The following RBM6 variants were observed in gnomAD, a reference collection of about 807,000 sequenced individuals.
RBM6 encodes the protein RNA binding motif protein 6.
A neutral mutation model predicts 140.4 loss-of-function variants in RBM6; 23 were observed. That is an observed-to-expected ratio of 0.16 (90% confidence interval 0.12 to 0.23). The LOEUF is 0.23. Among genes scored for constraint, RBM6 ranks in the 10% least tolerant of loss-of-function variants. The pLI is 1.00. For synonymous variants in RBM6, 439 were observed against 475.6 expected, an observed-to-expected ratio of 0.92 and a Z score of 1.00; for missense variants, 1,139 against 1,386.7, an observed-to-expected ratio of 0.82 and a Z score of 2.84.
At chr3:50,008,409 T>C (rs1327488288) in intron 6 of RBM6, among the ~76,000 whole-genome samples, 1 of 152,112 alleles carries the variant, frequency 6.6e-6, no homozygotes, top group Non-Finnish European at 1.5e-5. Context: ...AGTTCAGGGG[T>C]CGTACAAAGG....
At chr3:49,946,133 C>A (rs2083475197) in intron 1 of RBM6, among the ~76,000 whole-genome samples, 1 of 152,108 alleles carries the variant, frequency 6.6e-6, no homozygotes, top group African/African-American at 2.4e-5. Flanking sequence ...GTGGCTTAAG[C>A]CTTCCACTCC....
intron 16 of RBM6, among the ~76,000 whole-genome samples, chr3:50,065,968 C>T (rs545871871): frequency 6.6e-6 from 1 of 152,274 alleles, no homozygotes; most frequent in East Asian, 1.9e-4. Context: ...TAACCTTTTA[C>T]TATTTTCTAT....
At chr3:50,059,857 C>A in intron 11 of RBM6, 111 bp downstream of exon 11, 1 of 782,140 alleles carries the variant, frequency 1.3e-6, no homozygotes, top group Non-Finnish European at 2.1e-6. Context: ...CTAACATGGA[C>A]TGCTTCAGAT....
intron 4 of RBM6, among the ~76,000 whole-genome samples, chr3:49,972,507 T>C (rs779830197): frequency 6.6e-6 from 1 of 152,180 alleles, no homozygotes; most frequent in African/African-American, 2.4e-5. Context: ...TTATTTACAA[T>C]AGTAAAAACT....
At chr3:49,945,710 G>A (rs1004202919) in intron 1 of RBM6, among the ~76,000 whole-genome samples, 3 of 151,444 alleles carry the variant, frequency 2.0e-5, no homozygotes, top group Admixed American at 6.6e-5. Flanking sequence ...GTGAAACCCC[G>A]TCTCTACTAA....
intron 4 of RBM6, 24 bp from the exon 5 acceptor site, chr3:49,975,299 T>G (rs1164266554): frequency 6.4e-7 from 1 of 1,564,918 alleles, no homozygotes; most frequent in East Asian, 2.2e-5. Context: ...TTGTATCATT[T>G]GTATAAATGC....
intron 6 of RBM6, 104 bp downstream of exon 6, chr3:49,999,617 A>C: frequency 2.0e-6 from 2 of 979,020 alleles, no homozygotes; most frequent in Admixed American, 3.5e-5. Context: ...CAAGAAGTCT[A>C]TCTGTGGAGC....
In RBM6 at chr3:49,967,606, T is replaced by G; in HGVS notation, c.181T>G (p.Ser61Ala). 6.2e-7 allele frequency: 1 copy of G among 1,614,130 alleles called. No individual in the cohort carries two copies. The highest frequency in any genetic ancestry group is 8.5e-7 in the Non-Finnish European group (1 of 1,180,028). ...DSLPFDFQGH[S>A]GPPFANVEEH... Reference sequence around the variant, plus strand: ...ACTTCCCTTTGATTTCCAGGGGCATTCGGGGCCTCCTTTTGCAAATGTAGA... The same window carrying G: ...ACTTCCCTTTGATTTCCAGGGGCATGCGGGGCCTCCTTTTGCAAATGTAGA... Residue 61 changes from serine (S) to alanine (A), a missense_variant, in exon 3 of 21, where the codon TCG becomes GCG. Transcript: ENST00000266022. The surrounding 1 kb of genome is among the most constrained non-coding windows in gnomAD (Gnocchi z 4.0).
At chr3:50,018,247 A>C (rs1218039140) in intron 6 of RBM6, among the ~76,000 whole-genome samples, 1 of 152,178 alleles carries the variant, frequency 6.6e-6, no homozygotes, top group Non-Finnish European at 1.5e-5. Flanking sequence ...TGCCTTTTGC[A>C]GAATTTTATA....
intron 6 of RBM6, among the ~76,000 whole-genome samples, chr3:50,000,540 C>G (rs1047323068): frequency 1.3e-5 from 2 of 151,712 alleles, no homozygotes; most frequent in Admixed American, 1.3e-4. Context: ...CCTGTCTCAG[C>G]CCCCTGAGTA....
chr3:50,059,646 T>C lies in RBM6; in HGVS notation c.2131-3T>C. The C allele has an allele frequency of 6.2e-7, 1 of 1,612,860 alleles. No individual in the cohort carries two copies. Among genetic ancestry groups the C allele is most frequent in the Non-Finnish European group, 8.5e-7 (1 of 1,179,144 alleles). ...CTGGGTTCAAGTGTGTCTGGTTCTATAGGAAGCTCTTCGTGTGGTGAAGAT... is the reference window on the plus strand; with the variant it reads ...CTGGGTTCAAGTGTGTCTGGTTCTACAGGAAGCTCTTCGTGTGGTGAAGAT... On this transcript the variant is annotated splice_polypyrimidine_tract_variant and splice_region_variant and intron_variant, in intron 10 of 20. Coordinates refer to ENST00000266022, the MANE Select transcript of RBM6 (RefSeq NM_005777.3).
intron 6 of RBM6, among the ~76,000 whole-genome samples, chr3:50,035,457 C>T (rs565990419): frequency 1.8e-4 from 28 of 152,016 alleles, no homozygotes; most frequent in Middle Eastern, 3.4e-3. Context: ...CCGAGGTGGG[C>T]GGATCACGAG....
Position 49,947,262 on chromosome 3 carries a change from A to AGGG in RBM6, c.-67+7050_-67+7052dup, listed in dbSNP as rs71080561. Among the ~76,000 whole-genome samples, 20 of 60,014 alleles carry AGGG rather than the reference A, an allele frequency of 3.3e-4. 1 individual carries two copies. The East Asian group carries it at 3.7e-3, about 11-fold the overall frequency. 39.4% of individuals were successfully genotyped at this position (60,014 alleles called of 152,430 possible). On this transcript the variant is annotated intron_variant, in intron 1 of 20. Transcript: ENST00000266022. ...GCGAGACTCCGTCTCAAAAAAAAAA[A>AGGG]GGGGGGGGGGGGGGGTTTTGAGCTG...
chr3:50,052,067 G>T (rs1056354916), intron 7 of RBM6, among the ~76,000 whole-genome samples: 2 of 152,024 alleles, frequency 1.3e-5, no homozygotes, highest in Admixed American at 6.6e-5. Context: ...ACTTTATGGG[G>T]TTTGTTTTTG....
intron 2 of RBM6, among the ~76,000 whole-genome samples, chr3:49,964,221 C>T (rs1414405396): frequency 6.6e-6 from 1 of 152,130 alleles, no homozygotes; most frequent in African/African-American, 2.4e-5. Flanking sequence ...GATTGGCAAT[C>T]TGCAAGATTT....
rs2108934956 is a variant in RBM6, at chr3:50,065,808, TG to T, written c.2683-432del. 1.3e-5 allele frequency among the ~76,000 whole-genome samples: 2 copies of T among 152,370 alleles called. 1 individual carries two copies. The highest frequency in any genetic ancestry group is 4.1e-4 in the South Asian group (2 of 4,828). ...CTTTGCCTTTACCTTACATGTGAGC[TG>T]GATCTGTCTACCCAAGTGCCTATTA... is the stretch of plus-strand genomic sequence containing the variant. On this transcript the variant is annotated intron_variant, in intron 16 of 20. Coordinates refer to ENST00000266022, the MANE Select transcript of RBM6 (RefSeq NM_005777.3).
Position 50,058,418 on chromosome 3 carries a change from T to C in RBM6, c.1986T>C (p.Arg662=). Reference sequence around the variant, plus strand: ...TTGATTCAGCTATCATGCTAAAGCGTATCTATCGTTCCACACCACCTGAGG... The same window carrying C: ...TTGATTCAGCTATCATGCTAAAGCGCATCTATCGTTCCACACCACCTGAGG... ...DGESKTIMLK[R]IYRSTPPEVI... is the part of the protein sequence containing the mutation. Residue 662 remains arginine (R), a synonymous_variant, in exon 10 of 21, where the codon CGT becomes CGC. Coordinates refer to ENST00000266022, the MANE Select transcript of RBM6 (RefSeq NM_005777.3). 6.2e-7 allele frequency: 1 copy of C among 1,610,648 alleles called. No individual in the cohort carries two copies. Among genetic ancestry groups the C allele is most frequent in the Non-Finnish European group, 8.5e-7 (1 of 1,176,790 alleles).
intron 1 of RBM6, among the ~76,000 whole-genome samples, chr3:49,953,433 T>C (rs2083830084): frequency 6.6e-6 from 1 of 151,780 alleles, no homozygotes; most frequent in African/African-American, 2.4e-5. Flanking sequence ...TTGGCCAGGC[T>C]GGTCTCGATC....
chr3:50,076,851 T>C (rs573413518), intron 20 of RBM6, among the ~76,000 whole-genome samples, 157 bp from the exon 21 acceptor site: 1 of 151,578 alleles, frequency 6.6e-6, no homozygotes, highest in South Asian at 2.1e-4. Flanking sequence ...ACCACTGCAC[T>C]CTAGCCCGGG....
Sources: gnomAD v4.1 joint callset for allele counts (sites outside exome capture counted in the v4.1 genomes callset) on GRCh38, gnomAD v4.1.1 for gene constraint, Gnocchi (gnomAD v3.1) non-coding constraint, MANE v1.5 for transcripts, NCBI Gene and HGNC (gene_info 2026-07-23, HGNC 2026-07-21) for gene names.